CNTNAP2: variants seen among roughly 807,000 people sequenced by gnomAD.
CNTNAP2 encodes contactin associated protein 2.
In CNTNAP2, 98 loss-of-function variants were observed where a neutral mutation model predicts 155.2. The observed-to-expected ratio is 0.63, with a 90% CI of 0.54 to 0.75. The LOEUF (loss-of-function observed/expected upper bound fraction) is 0.75, where lower values mean the gene tolerates loss of function less well. CNTNAP2 is among the 30% of genes least tolerant of loss of function. The probability of loss-of-function intolerance (pLI) is 0.00; values close to 1 mark genes in which losing one functional copy is unlikely to be tolerated. For synonymous variants in CNTNAP2, 651 were observed against 631.2 expected (o/e 1.03, Z -0.47); for missense variants, 1,727 against 1,688.1 (o/e 1.02, Z -0.40).
In CNTNAP2 at chr7:147,080,754, T is replaced by G. The variant is rs10239500; in HGVS notation, c.551-27393T>G. ...TTGTGTCATTTCAATCCTGAGCTAT[T>G]TTTTATTTTTCTGCCTCATGTCAAT... On this transcript the variant is annotated intron_variant, in intron 4 of 23. Coordinates refer to ENST00000361727, the MANE Select transcript of CNTNAP2 (RefSeq NM_014141.6). Among the ~76,000 whole-genome samples the G allele has an allele frequency of 6.9e-3, 1,042 of 150,112 alleles. 18 individuals carry two copies. Among genetic ancestry groups the G allele is most frequent in the African/African-American group, 0.024 (969 of 41,156 alleles).
chr7:146,159,708 C>G (rs923173512), intron 1 of CNTNAP2, among the ~76,000 whole-genome samples: 1 of 152,194 alleles, frequency 6.6e-6, no homozygotes, highest in Non-Finnish European at 1.5e-5. Flanking sequence ...AATATATATG[C>G]ACCCAATACA....
chr7:146,927,929 G>A (rs1409269029), intron 3 of CNTNAP2, among the ~76,000 whole-genome samples: 1 of 149,000 alleles, frequency 6.7e-6, no homozygotes, highest in Non-Finnish European at 1.5e-5. Flanking sequence ...TAGTTACAGT[G>A]TATATATAGA....
intron 1 of CNTNAP2, among the ~76,000 whole-genome samples, chr7:146,175,505 A>C (rs1798457299): frequency 6.6e-6 from 1 of 152,176 alleles, no homozygotes; most frequent in African/African-American, 2.4e-5. Flanking sequence ...ATGATGGGCA[A>C]AGATGTATTA....
At chr7:148,219,658 T>G (rs1795708173) in intron 19 of CNTNAP2, among the ~76,000 whole-genome samples, 1 of 152,084 alleles carries the variant, frequency 6.6e-6, no homozygotes, top group African/African-American at 2.4e-5. Context: ...ATAGCAAGAC[T>G]CCATCTCTAC....
At chr7:146,580,999 G>T (rs547059698) in intron 1 of CNTNAP2, among the ~76,000 whole-genome samples, 10 of 152,110 alleles carry the variant, frequency 6.6e-5, no homozygotes, top group Non-Finnish European at 1.3e-4. Context: ...AGAACCACTT[G>T]TCAAATATTA....
chr7:146,285,316 T>C (rs752113472), intron 1 of CNTNAP2, among the ~76,000 whole-genome samples: 125 of 152,262 alleles, frequency 8.2e-4, no homozygotes, highest in Non-Finnish European at 1.5e-3. Context: ...TTGACTATCA[T>C]AAGTGCATTC....
At chr7:147,677,714 C>A (rs1008626799) in intron 13 of CNTNAP2, among the ~76,000 whole-genome samples, 16 of 151,798 alleles carry the variant, frequency 1.1e-4, no homozygotes, top group African/African-American at 3.9e-4. Flanking sequence ...AGATAAGGAT[C>A]TAATTTTATT....
At position 147,155,119 on chromosome 7, in the gene CNTNAP2, A is replaced by T. The variant is rs183404265; in HGVS notation, c.1348+22610A>T. Reference sequence around the variant, plus strand: ...AAATCCTAACCGCGGAGGTGAGAGTATTTGGAGATAAGACTTTGCAAGGTG... The same window carrying T: ...AAATCCTAACCGCGGAGGTGAGAGTTTTTGGAGATAAGACTTTGCAAGGTG... On this transcript the variant is annotated intron_variant, in intron 8 of 23. Coordinates refer to ENST00000361727, the MANE Select transcript of CNTNAP2 (RefSeq NM_014141.6). 3.5e-4 allele frequency among the ~76,000 whole-genome samples: 53 copies of T among 152,210 alleles called. 1 individual carries two copies. Among genetic ancestry groups the T allele is most frequent in the African/African-American group, 1.2e-3 (48 of 41,558 alleles).
At chr7:146,525,955 A>C (rs1458185419) in intron 1 of CNTNAP2, among the ~76,000 whole-genome samples, 4 of 152,174 alleles carry the variant, frequency 2.6e-5, no homozygotes, top group Non-Finnish European at 5.9e-5. Flanking sequence ...GATTAGAATA[A>C]CGCACAAGGA....
chr7:146,583,908 G>A (rs769800518), intron 1 of CNTNAP2, among the ~76,000 whole-genome samples: 4 of 152,052 alleles, frequency 2.6e-5, no homozygotes, highest in Non-Finnish European at 4.4e-5. Flanking sequence ...TTTACATAAC[G>A]ATTTGGGATT....
At chr7:147,036,454 A>G (rs1446780559) in intron 3 of CNTNAP2, among the ~76,000 whole-genome samples, 1 of 152,222 alleles carries the variant, frequency 6.6e-6, no homozygotes, top group Admixed American at 6.5e-5. Context: ...TTATAAGACA[A>G]GAACTCTAAA....
rs143723224 is a variant in CNTNAP2, at chr7:146,202,620, A to C, written c.97+85647A>C. Among the ~76,000 whole-genome samples, 757 of 152,250 alleles carry C rather than the reference A, an allele frequency of 5.0e-3. 1 individual carries two copies. The highest frequency in any genetic ancestry group is 7.9e-3 in the Non-Finnish European group (537 of 68,018). On this transcript the variant is annotated intron_variant, in intron 1 of 23. Transcript: ENST00000361727. ...ATAGCCAAAATATTTAAAAATGGTG[A>C]ACAACTGCACAGAATATAAAATGTC...
intron 1 of CNTNAP2, among the ~76,000 whole-genome samples, chr7:146,717,441 G>A (rs1272363628): frequency 3.3e-5 from 5 of 151,924 alleles, no homozygotes; most frequent in Admixed American, 2.6e-4. Flanking sequence ...TTGAACCTGG[G>A]AGGTGGAGGT....
intron 8 of CNTNAP2, among the ~76,000 whole-genome samples, chr7:147,236,581 T>A (rs1380084727): frequency 6.8e-6 from 1 of 147,962 alleles, no homozygotes; most frequent in South Asian, 2.1e-4. Flanking sequence ...TTTTGGTTGG[T>A]TTTTTTTTTC....
intron 21 of CNTNAP2, among the ~76,000 whole-genome samples, chr7:148,323,287 T>C (rs1159167432): frequency 7.3e-6 from 1 of 136,296 alleles, no homozygotes; most frequent in Non-Finnish European, 1.5e-5. Context: ...TTCCCAATTA[T>C]GGATTTCTTT....
At chr7:148,016,607 C>T (rs1802180712) in intron 15 of CNTNAP2, among the ~76,000 whole-genome samples, 1 of 152,196 alleles carries the variant, frequency 6.6e-6, no homozygotes, top group Non-Finnish European at 1.5e-5. Flanking sequence ...ATTTCTTCTT[C>T]TGATTACAAA....
At chr7:147,125,487 G>A (rs545410962) in intron 6 of CNTNAP2, among the ~76,000 whole-genome samples, 68 of 152,246 alleles carry the variant, frequency 4.5e-4, no homozygotes, top group Admixed American at 1.0e-3. Flanking sequence ...TTTCCTCAGC[G>A]TAGTCAATAA....
chr7:147,063,403 A>G lies in CNTNAP2; in HGVS notation c.550+19349A>G, dbSNP rs1003147324. On this transcript the variant is annotated intron_variant, in intron 4 of 23. Transcript: ENST00000361727. ...ATTGCTCAGCAATTTACACTAGAGG[A>G]TAATTTTACAACCGCAGGTATGGGA... Among the ~76,000 whole-genome samples the G allele has an allele frequency of 6.6e-5, 10 of 152,256 alleles. No individual in the cohort carries two copies. In the South Asian group the frequency reaches 2.1e-3, roughly 32 times the overall value.
At chr7:147,087,496 C>A (rs970844445) in intron 4 of CNTNAP2, among the ~76,000 whole-genome samples, 1 of 152,154 alleles carries the variant, frequency 6.6e-6, no homozygotes. Context: ...TTGTACCTCA[C>A]TTGCATGGCT....
Sources: allele counts gnomAD v4.1 joint callset (sites outside exome capture counted in the v4.1 genomes callset), GRCh38; gene constraint gnomAD v4.1.1; transcripts MANE v1.5; gene names NCBI Gene and HGNC (gene_info 2026-07-23, HGNC 2026-07-21).